The following TNC variants were observed in gnomAD, a reference collection of about 807,000 sequenced individuals.
TNC encodes the protein tenascin.
A neutral mutation model predicts 202.4 loss-of-function variants in TNC; 109 were observed. The observed-to-expected ratio is 0.54, with a 90% CI of 0.46 to 0.63. The LOEUF (loss-of-function observed/expected upper bound fraction) is 0.63, where lower values mean the gene tolerates loss of function less well. TNC is among the 30% of genes least tolerant of loss of function. TNC has a pLI of 0.00. For missense variants in TNC, 2,756 were observed against 2,833.3 expected, an observed-to-expected ratio of 0.97 and a Z score of 0.62; for synonymous variants, 1,007 against 1,089.7, an observed-to-expected ratio of 0.92 and a Z score of 1.50.
intron 1 of TNC, among the ~76,000 whole-genome samples, chr9:115,110,724 T>C (rs1435800480): frequency 2.0e-5 from 3 of 152,172 alleles, no homozygotes; most frequent in Non-Finnish European, 4.4e-5. Flanking sequence ...AAAATACATT[T>C]GGAATCATTG....
At chr9:115,077,517 A>G (rs1241554930) in intron 7 of TNC, among the ~76,000 whole-genome samples, 1 of 152,220 alleles carries the variant, frequency 6.6e-6, no homozygotes, top group Non-Finnish European at 1.5e-5. Flanking sequence ...ATAACTCACA[A>G]AGTACTTACT....
intron 1 of TNC, among the ~76,000 whole-genome samples, chr9:115,102,365 G>A (rs1043463267): frequency 6.6e-6 from 1 of 152,208 alleles, no homozygotes; most frequent in Non-Finnish European, 1.5e-5. Flanking sequence ...ACAGCCTGTG[G>A]CTGCTGTGGA....
At chr9:115,078,310 ATACT>A (rs1007421130) in intron 6 of TNC, 98 bp from the exon 7 acceptor site, 2 of 1,346,926 alleles carry the variant, frequency 1.5e-6, no homozygotes, top group Non-Finnish European at 2.0e-6. Context: ...CTGTGGGTGA[ATACT>A]TATACTAACT....
chr9:115,065,045 C>T, intron 10 of TNC, 126 bp from the exon 11 acceptor site: 1 of 1,022,570 alleles, frequency 9.8e-7, no homozygotes, highest in South Asian at 1.6e-5. Context: ...AGGCTTTGTT[C>T]ACTGCATCCC....
rs571247205 is a variant in TNC, at chr9:115,101,175, G to A, written c.-136-10021C>T. On this transcript the variant is annotated intron_variant, in intron 1 of 27. Coordinates refer to ENST00000350763, the MANE Select transcript of TNC (RefSeq NM_002160.4). ...GAAGATAAACATGTTCTGTATAATCGCAAAGCTCATAATTTCCTCCCAAAG... is the reference window on the plus strand; with the variant it reads ...GAAGATAAACATGTTCTGTATAATCACAAAGCTCATAATTTCCTCCCAAAG... 1.3e-4 allele frequency among the ~76,000 whole-genome samples: 20 copies of A among 152,144 alleles called. No homozygotes were observed. The South Asian group carries it at 3.9e-3, about 30-fold the overall frequency.
intron 1 of TNC, among the ~76,000 whole-genome samples, chr9:115,101,444 C>T (rs1049271533): frequency 6.6e-6 from 1 of 152,156 alleles, no homozygotes; most frequent in African/African-American, 2.4e-5. Flanking sequence ...AACTCCTGAC[C>T]TCAGGTGATC....
At position 115,045,704 on chromosome 9, in the gene TNC, CT is replaced by C. The variant is rs925489336; in HGVS notation, c.5125+705del. 2.6e-3 allele frequency among the ~76,000 whole-genome samples: 378 copies of C among 145,486 alleles called. 2 individuals carry two copies. The highest frequency in any genetic ancestry group is 5.6e-3 in the Admixed American group (81 of 14,460). Reference sequence around the variant, plus strand: ...GCCTAAGAGTCATATTATTAACCATCTTTTTTTTTTTTCTCCTTGAAACAGC... The same window carrying C: ...GCCTAAGAGTCATATTATTAACCATCTTTTTTTTTTTCTCCTTGAAACAGC... On this transcript the variant is annotated intron_variant, in intron 17 of 27. Coordinates refer to ENST00000350763, the MANE Select transcript of TNC (RefSeq NM_002160.4).
At chr9:115,081,167 T>C (rs949852932) in intron 6 of TNC, among the ~76,000 whole-genome samples, 16 of 152,324 alleles carry the variant, frequency 1.1e-4, no homozygotes, top group Admixed American at 2.0e-4. Context: ...CTATGGGATG[T>C]TAAAGTGATT....
Position 115,090,869 on chromosome 9 carries a change from A to G in TNC, c.150T>C (p.Phe50=). Residue 50 remains phenylalanine (F), a synonymous_variant, in exon 2 of 28, where the codon TTT becomes TTC. Transcript: ENST00000350763. ...GCAGCTTGATGTTGTAAACGTGGTT[A>G]AACACCACTGGCTGGTTCTCTTCTG... The part of the protein sequence containing the change: ...TLPEENQPVV[F]NHVYNIKLPV... The G allele has an allele frequency of 1.2e-6, 2 of 1,614,198 alleles. No individual in the cohort carries two copies. The highest frequency in any genetic ancestry group is 2.2e-5 in the South Asian group (2 of 91,080).
chr9:115,059,552 T>A (rs1174235743), intron 14 of TNC, among the ~76,000 whole-genome samples, 178 bp downstream of exon 14: 2 of 152,116 alleles, frequency 1.3e-5, no homozygotes, highest in African/African-American at 4.8e-5. Flanking sequence ...ACCATCCACA[T>A]GGCAAAGGCA....
intron 19 of TNC, among the ~76,000 whole-genome samples, chr9:115,040,139 A>G (rs1830619831): frequency 6.6e-6 from 1 of 152,198 alleles, no homozygotes; most frequent in South Asian, 2.1e-4. Flanking sequence ...TGTACTGTAC[A>G]AATCAGGTTA....
chr9:115,086,953 G>T lies in TNC; in HGVS notation c.778C>A (p.His260Asn), dbSNP rs1209415364. The T allele has an allele frequency of 6.2e-7, 1 of 1,614,192 alleles. No individual in the cohort carries two copies. Residue 260 changes from histidine (H) to asparagine (N), a missense_variant, in exon 3 of 28, where the codon CAC (histidine) becomes AAC (asparagine). His to Asn is a moderately conservative substitution (Grantham distance 68). This residue lies in a region of TNC where 2,559 missense variants were observed against 2,546.0 expected (regional missense o/e 1.01). Coordinates refer to ENST00000350763, the MANE Select transcript of TNC (RefSeq NM_002160.4). The stretch of plus-strand genomic sequence containing the variant: ...CACAAGCCATCTACACATGTGCCGT[G>T]CTCCTCACTGCAGGGCACTGGGCAG... ...EICPVPCSEEHGTCVDGLCVC... is the reference protein window; with the variant it reads ...EICPVPCSEENGTCVDGLCVC...
chr9:115,076,051 C>T lies in TNC; in HGVS notation c.2931G>A (p.Ala977=), dbSNP rs143303603. The T allele has an allele frequency of 2.9e-5, 47 of 1,614,062 alleles. No homozygotes were observed. The African/African-American group carries it at 4.7e-4, about 16-fold the overall frequency. ...CCCCACCTGTGGCTGCGTTGATGGT[C>T]GCTGGATTGCTCTCCTTGTCTTCCT... ...AVKEDKESNP[A]TINAATELDT... Residue 977 remains alanine (A), a synonymous_variant, in exon 9 of 28, where the codon GCG becomes GCA. Transcript: ENST00000350763.
Position 115,091,108 on chromosome 9 carries a change from G to A in TNC, c.-90C>T. On this transcript the variant is annotated 5_prime_UTR_variant, in exon 2 of 28. Transcript: ENST00000350763. ...AGAATTGGGGATTTAGAAGCACAGA[G>A]TAGACTTCAAATCAGTTGTCCCTGA... 2.0e-6 allele frequency: 2 copies of A among 1,017,942 alleles called. No individual in the cohort carries two copies. The highest frequency in any genetic ancestry group is 2.9e-6 in the Non-Finnish European group (2 of 695,558). 63.1% of individuals were successfully genotyped at this position (1,017,942 alleles called of 1,614,324 possible).
intron 23 of TNC, 65 bp downstream of exon 23, chr9:115,031,488 G>C: frequency 7.1e-7 from 1 of 1,400,916 alleles, no homozygotes; most frequent in East Asian, 2.7e-5. Context: ...AGTCAAAGGG[G>C]AAGTCAAGGG....
intron 17 of TNC, among the ~76,000 whole-genome samples, chr9:115,044,519 C>CT (rs375460236): frequency 0.016 from 2,278 of 146,112 alleles, 31 homozygotes; most frequent in South Asian, 0.032. Flanking sequence ...TCTGCCTTGC[C>CT]TTTTTTTTTT....
At chr9:115,051,208 T>C (rs1421372222) in intron 15 of TNC, among the ~76,000 whole-genome samples, 2 of 152,122 alleles carry the variant, frequency 1.3e-5, no homozygotes, top group Admixed American at 6.6e-5. Flanking sequence ...AAATTGAACA[T>C]TGGCAAATGT....
chr9:115,041,192 T>C, intron 18 of TNC, 108 bp from the exon 19 acceptor site: 1 of 1,255,050 alleles, frequency 8.0e-7, no homozygotes. Flanking sequence ...TATATCTTCA[T>C]CAAACACCAC....
chr9:115,046,713 G>C, intron 16 of TNC, 31 bp from the exon 17 acceptor site: 1 of 1,609,444 alleles, frequency 6.2e-7, no homozygotes, highest in Non-Finnish European at 8.5e-7. Context: ...GGGAGAAGGA[G>C]GAAAGACAAC....
Sources: gnomAD v4.1 joint callset for allele counts (sites outside exome capture counted in the v4.1 genomes callset) on GRCh38, gnomAD v4.1.1 for gene constraint, gnomAD v4.1.1 regional missense constraint, MANE v1.5 for transcripts, NCBI Gene and HGNC (gene_info 2026-07-23, HGNC 2026-07-21) for gene names.